GPHN: variants seen among roughly 807,000 people sequenced by gnomAD.
GPHN encodes gephyrin.
In GPHN, 17 loss-of-function variants were observed where a neutral mutation model predicts 95.5. The observed-to-expected ratio is 0.18, with a 90% CI of 0.12 to 0.27. GPHN has a LOEUF of 0.27. Among genes scored for constraint, GPHN ranks in the 10% least tolerant of loss-of-function variants. The pLI is 1.00. For synonymous variants in GPHN, 320 were observed against 322.5 expected (o/e 0.99, Z 0.08); for missense variants, 660 against 978.1 (o/e 0.67, Z 4.34).
At chr14:66,575,053 A>G (rs370025605) in intron 1 of GPHN, among the ~76,000 whole-genome samples, 1 of 152,120 alleles carries the variant, frequency 6.6e-6, no homozygotes, top group Non-Finnish European at 1.5e-5. Context: ...ATTTATATCT[A>G]TCTATATATA....
At chr14:67,511,338 G>T in the GPHN span, among the ~76,000 whole-genome samples, 1 of 124,756 alleles carries the variant, frequency 8.0e-6, no homozygotes, top group Admixed American at 9.2e-5. Flanking sequence ...GACAGCTGAA[G>T]TCTTATTTAA....
intron 9 of GPHN, among the ~76,000 whole-genome samples, chr14:66,977,034 G>T (rs1468913499): frequency 6.6e-6 from 1 of 151,744 alleles, no homozygotes; most frequent in Non-Finnish European, 1.5e-5. Flanking sequence ...AATGAGCAAT[G>T]ACATGAGTAT....
the GPHN span, among the ~76,000 whole-genome samples, chr14:67,560,363 T>TTG: frequency 6.6e-6 from 1 of 152,090 alleles, no homozygotes; most frequent in Non-Finnish European, 1.5e-5. Flanking sequence ...TTTTAACTAT[T>TTG]TGTGTGTGTG....
intron 9 of GPHN, among the ~76,000 whole-genome samples, chr14:66,991,613 A>G (rs533443891): frequency 6.7e-5 from 10 of 148,288 alleles, no homozygotes; most frequent in African/African-American, 2.5e-4. Flanking sequence ...TTAACTGTCC[A>G]ATATAGCAAA....
chr14:67,032,329 T>C (rs1247213646), intron 10 of GPHN, among the ~76,000 whole-genome samples: 1 of 152,208 alleles, frequency 6.6e-6, no homozygotes, highest in Non-Finnish European at 1.5e-5. Flanking sequence ...GGCAGCTTGC[T>C]GTAGTACCAC....
At chr14:66,673,840 A>G (rs1050499868) in intron 1 of GPHN, among the ~76,000 whole-genome samples, 2 of 151,946 alleles carry the variant, frequency 1.3e-5, no homozygotes, top group Non-Finnish European at 2.9e-5. Context: ...TCACCTTCAC[A>G]TTTTTTCCTT....
At chr14:67,436,493 C>T in the GPHN span, among the ~76,000 whole-genome samples, 1 of 152,216 alleles carries the variant, frequency 6.6e-6, no homozygotes. Flanking sequence ...ACCCAGTCTT[C>T]TGCAGCCTTG....
chr14:67,370,807 C>G, the GPHN span, among the ~76,000 whole-genome samples: 1 of 152,122 alleles, frequency 6.6e-6, no homozygotes, highest in Admixed American at 6.5e-5. Context: ...GGGCAGATTG[C>G]TTGAGCCCAG....
chr14:67,422,241 TAG>T, the GPHN span, among the ~76,000 whole-genome samples: 3 of 152,170 alleles, frequency 2.0e-5, no homozygotes, highest in South Asian at 6.2e-4. Flanking sequence ...ACATTCAAAC[TAG>T]CCAGTCCAAA....
chr14:66,672,212 G>A (rs2066336560), intron 1 of GPHN, among the ~76,000 whole-genome samples: 1 of 152,018 alleles, frequency 6.6e-6, no homozygotes, highest in African/African-American at 2.4e-5. Context: ...CTTTAGAAGT[G>A]TTTTGTTTAA....
rs1026751758 is a variant in GPHN, at chr14:66,827,300, G to C, written c.294+2734G>C. ...CCCTGTCTCAAAAAAAAAAAGGCGG[G>C]GTGAGGGGGGTGCAGAGGTTTGTTA... On this transcript the variant is annotated intron_variant, in intron 4 of 22. Coordinates refer to ENST00000478722, the MANE Select transcript of GPHN (RefSeq NM_020806.5). Among the ~76,000 whole-genome samples the C allele has an allele frequency of 6.6e-5, 10 of 151,676 alleles. 1 individual carries two copies. The South Asian group carries it at 8.3e-4, about 13-fold the overall frequency.
At chr14:66,795,746 G>A (rs1329517012) in intron 3 of GPHN, among the ~76,000 whole-genome samples, 1 of 152,072 alleles carries the variant, frequency 6.6e-6, no homozygotes, top group East Asian at 1.9e-4. Context: ...GGGCACATGA[G>A]ATGTTTGCTA....
At chr14:66,570,897 G>T (rs1010583245) in intron 1 of GPHN, among the ~76,000 whole-genome samples, 8 of 151,952 alleles carry the variant, frequency 5.3e-5, no homozygotes, top group African/African-American at 1.9e-4. Context: ...ATACCTGTTG[G>T]CCATTTTTAT....
At position 66,754,232 on chromosome 14, in the gene GPHN, A is replaced by G. The variant is rs551716738; in HGVS notation, c.144-22232A>G. The stretch of plus-strand genomic sequence containing the variant: ...TCTTAGATAAGTACTTAGTTGTAGT[A>G]GAATTTCTGGGTCATATGGTGACTC... On this transcript the variant is annotated intron_variant, in intron 2 of 22. Transcript: ENST00000478722. Among the ~76,000 whole-genome samples, 39 of 152,224 alleles carry G rather than the reference A, an allele frequency of 2.6e-4. No individual in the cohort carries two copies. In the South Asian group the frequency reaches 8.1e-3, roughly 32 times the overall value.
chr14:67,419,313 G>A, the GPHN span, among the ~76,000 whole-genome samples: 535 of 152,218 alleles, frequency 3.5e-3, 2 homozygotes, highest in Non-Finnish European at 6.1e-3. Flanking sequence ...TCACCCCTGC[G>A]GAGCCCCTGT....
At chr14:66,728,759 T>C (rs2071487815) in intron 2 of GPHN, among the ~76,000 whole-genome samples, 1 of 152,214 alleles carries the variant, frequency 6.6e-6, no homozygotes, top group African/African-American at 2.4e-5. Context: ...TTGCCTTATC[T>C]CAGATGAGAC....
the GPHN span, chr14:67,392,175 C>CT: frequency 1.6e-6 from 1 of 639,592 alleles, no homozygotes; most frequent in South Asian, 1.8e-5. Flanking sequence ...TGACTTGCTC[C>CT]TGGAGGCTGG....
the GPHN span, among the ~76,000 whole-genome samples, chr14:67,670,567 CT>C: frequency 0.11 from 16,404 of 148,136 alleles, 1,268 homozygotes; most frequent in South Asian, 0.34. Flanking sequence ...GGTTTGTTAC[CT>C]TTTTTTTTTT....
chr14:66,739,377 C>T (rs970133216), intron 2 of GPHN, among the ~76,000 whole-genome samples: 17 of 151,634 alleles, frequency 1.1e-4, no homozygotes, highest in East Asian at 1.9e-4. Flanking sequence ...CCACCACGCC[C>T]GGCTAATTTT....
Sources: gnomAD v4.1 joint callset for allele counts (sites outside exome capture counted in the v4.1 genomes callset) on GRCh38, gnomAD v4.1.1 for gene constraint, MANE v1.5 for transcripts, NCBI Gene and HGNC (gene_info 2026-07-23, HGNC 2026-07-21) for gene names.